The following PID1 variants were observed in gnomAD, a reference collection of about 807,000 sequenced individuals.
The protein encoded by PID1 is PTB-containing, cubilin and LRP1-interacting protein.
PID1 carries 10 observed loss-of-function variants against 19.1 expected under a neutral mutation model. That is an observed-to-expected ratio of 0.52 (90% CI 0.32 to 0.89). The LOEUF is 0.89. Among genes scored for constraint, PID1 ranks in the 40% least tolerant of loss-of-function variants. The pLI, the probability that PID1 is intolerant of heterozygous loss-of-function variation, is 0.03. For synonymous variants in PID1, 130 were observed against 116.0 expected (o/e 1.12, Z -0.78); for missense variants, 248 against 285.3 (o/e 0.87, Z 0.94).
chr2:229,138,347 T>C (rs917388170), intron 2 of PID1, among the ~76,000 whole-genome samples: 16 of 152,200 alleles, frequency 1.1e-4, no homozygotes, highest in Non-Finnish European at 1.8e-4. Context: ...TTCCCTCTTC[T>C]ATCTGTCCAT....
intron 2 of PID1, among the ~76,000 whole-genome samples, chr2:229,031,102 G>A (rs1559201317): frequency 6.6e-6 from 1 of 150,652 alleles, no homozygotes; most frequent in African/African-American, 2.4e-5. Context: ...TGTAGTCCCA[G>A]CTACTGGGGA....
At chr2:229,114,108 TC>T in intron 2 of PID1, among the ~76,000 whole-genome samples, 1 of 67,758 alleles carries the variant, frequency 1.5e-5, no homozygotes, top group Non-Finnish European at 2.9e-5. Context: ...AGCATCTCTC[TC>T]TCTTTCTCTC....
intron 1 of PID1, among the ~76,000 whole-genome samples, chr2:229,192,605 T>A (rs1691283717): frequency 6.6e-6 from 1 of 152,162 alleles, no homozygotes; most frequent in African/African-American, 2.4e-5. Context: ...ACAACAAAAG[T>A]ATCTTATGGA....
chr2:229,269,715 T>G (rs1272928448), intron 1 of PID1, among the ~76,000 whole-genome samples: 1 of 152,208 alleles, frequency 6.6e-6, no homozygotes, highest in African/African-American at 2.4e-5. Flanking sequence ...AGCCCAGTGC[T>G]GATATTCTCT....
intron 1 of PID1, among the ~76,000 whole-genome samples, chr2:229,156,935 T>G (rs1690384965): frequency 6.6e-6 from 1 of 152,212 alleles, no homozygotes; most frequent in Non-Finnish European, 1.5e-5. Flanking sequence ...TTAGGACCCC[T>G]GATCACGCTG....
At chr2:229,058,727 G>GAAAAAA (rs5839294) in intron 2 of PID1, among the ~76,000 whole-genome samples, 1 of 134,758 alleles carries the variant, frequency 7.4e-6, no homozygotes, top group Non-Finnish European at 1.6e-5. Flanking sequence ...GTAATAATTT[G>GAAAAAA]AAAAAAAAAA....
intron 1 of PID1, among the ~76,000 whole-genome samples, chr2:229,177,502 TC>T (rs1690848958): frequency 6.6e-6 from 1 of 152,186 alleles, no homozygotes; most frequent in South Asian, 2.1e-4. Context: ...TCTCAATTCT[TC>T]ATCACATCTC....
rs6740170 is a variant in PID1 at position 229,231,558 on chromosome 2, C to T, written c.30+39456G>A. 4.9e-3 allele frequency among the ~76,000 whole-genome samples: 752 copies of T among 152,142 alleles called. 2 individuals are homozygous for T. The highest frequency in any genetic ancestry group is 6.6e-3 in the Non-Finnish European group (447 of 68,010). On this transcript the variant is annotated intron_variant, in intron 1 of 2. Transcript: ENST00000392055. ...ACTATCAGCCCCATTTTACAAGTGA[C>T]GACGATAGAGCCCAGGCACTCTGAG...
chr2:229,034,755 G>GTATA (rs143619216), intron 2 of PID1, among the ~76,000 whole-genome samples: 277 of 148,836 alleles, frequency 1.9e-3, no homozygotes, highest in South Asian at 5.3e-3. Context: ...CCTTTATTGT[G>GTATA]TATATATATA....
intron 2 of PID1, among the ~76,000 whole-genome samples, chr2:229,087,949 C>T (rs1052784952): frequency 2.6e-4 from 39 of 151,994 alleles, no homozygotes; most frequent in African/African-American, 9.2e-4. Flanking sequence ...TGCATTATAC[C>T]AAGTCATACT....
intron 2 of PID1, among the ~76,000 whole-genome samples, chr2:229,048,699 G>A (rs1192316354): frequency 1.3e-5 from 2 of 152,122 alleles, no homozygotes. Context: ...ATGATAATAT[G>A]TGCTTAATTT....
chr2:229,170,650 T>A (rs1255551282), intron 1 of PID1, among the ~76,000 whole-genome samples: 1 of 152,186 alleles, frequency 6.6e-6, no homozygotes, highest in Non-Finnish European at 1.5e-5. Context: ...TTAAAAAAAA[T>A]GTGTTTTCAT....
intron 2 of PID1, among the ~76,000 whole-genome samples, chr2:229,127,070 C>A (rs7575109): frequency 5.8e-4 from 88 of 152,266 alleles, no homozygotes; most frequent in Middle Eastern, 3.4e-3. Flanking sequence ...AGTTAATGGG[C>A]CTCGCTTGGA....
intron 1 of PID1, among the ~76,000 whole-genome samples, chr2:229,198,623 A>G (rs1691427849): frequency 6.6e-6 from 1 of 152,028 alleles, no homozygotes. Flanking sequence ...AATCCTTCCC[A>G]TCTCAGTAAA....
At chr2:229,254,830 T>A (rs375146773) in intron 1 of PID1, among the ~76,000 whole-genome samples, 3 of 152,236 alleles carry the variant, frequency 2.0e-5, no homozygotes, top group East Asian at 3.9e-4. Flanking sequence ...TGTATATTTG[T>A]ATTTTCTGAG....
At chr2:229,128,635 A>T (rs1001243214) in intron 2 of PID1, among the ~76,000 whole-genome samples, 35 of 152,194 alleles carry the variant, frequency 2.3e-4, no homozygotes, top group Non-Finnish European at 2.8e-4. Flanking sequence ...ATTCCAATTT[A>T]TTTTTAAGCT....
At chr2:229,117,458 C>T (rs1486046233) in intron 2 of PID1, among the ~76,000 whole-genome samples, 1 of 152,148 alleles carries the variant, frequency 6.6e-6, no homozygotes, top group African/African-American at 2.4e-5. Flanking sequence ...TGGATTATTG[C>T]AAAAATCTCC....
intron 2 of PID1, among the ~76,000 whole-genome samples, chr2:229,119,278 C>A (rs941221791): frequency 5.9e-5 from 9 of 152,194 alleles, no homozygotes; most frequent in African/African-American, 1.9e-4. Context: ...AATCAGGAAA[C>A]TAAATAAATC....
At position 229,073,127 on chromosome 2, in the gene PID1, A is replaced by G. The variant is rs1260814927; in HGVS notation, c.178-47019T>C. ...TGCAAGCTCCGTCTCTCAGGTTCAC[A>G]CCATTCTCCTGCCTCAGCCTCCTGA... On this transcript the variant is annotated intron_variant, in intron 2 of 2. Coordinates refer to ENST00000392055, the MANE Select transcript of PID1 (RefSeq NM_001100818.2). Among the ~76,000 whole-genome samples the G allele has an allele frequency of 3.2e-4, 49 of 152,234 alleles. 2 individuals are homozygous for G. The highest frequency in any genetic ancestry group is 1.9e-3 in the East Asian group (10 of 5,168).
Sources: allele counts gnomAD v4.1 joint callset (sites outside exome capture counted in the v4.1 genomes callset), GRCh38; gene constraint gnomAD v4.1.1; transcripts MANE v1.5; gene names NCBI Gene and HGNC (gene_info 2026-07-23, HGNC 2026-07-21).